The following DLGAP2 variants were observed in gnomAD, a reference collection of about 807,000 sequenced individuals.
The protein encoded by DLGAP2 is DLG associated protein 2, also known as disks large-associated protein 2.
Under a neutral mutation model 100.3 loss-of-function variants are expected in DLGAP2, and 26 were observed. The ratio of observed to expected loss-of-function variants is 0.26; its 90% CI spans 0.19 to 0.36. The LOEUF (loss-of-function observed/expected upper bound fraction) is 0.36, where lower values mean the gene tolerates loss of function less well. DLGAP2 is among the 10% of genes least tolerant of loss of function. The pLI, the probability that DLGAP2 is intolerant of heterozygous loss-of-function variation, is 1.00. For missense variants in DLGAP2, 1,858 were observed against 1,453.2 expected (o/e 1.28, Z -4.53); for synonymous variants, 886 against 630.1 (o/e 1.41, Z -6.08).
chr8:1,032,362 C>T lies in DLGAP2; in HGVS notation c.73+124396C>T, dbSNP rs1240147536. On this transcript the variant is annotated intron_variant, in intron 2 of 14. Coordinates refer to ENST00000637795, the MANE Select transcript of DLGAP2 (RefSeq NM_001346810.2). ...TGCCGTCTGCCTGCCTGTCACTCGG[C>T]AGGACCTGGCTCCCAGCGATTTCTC... Among the ~76,000 whole-genome samples, 24 of 152,172 alleles carry T rather than the reference C, an allele frequency of 1.6e-4. 1 individual carries two copies. Among genetic ancestry groups the T allele is most frequent in the Admixed American group, 1.6e-3 (24 of 15,284 alleles).
intron 3 of DLGAP2, among the ~76,000 whole-genome samples, chr8:1,425,859 G>T (rs1797223769): frequency 6.6e-6 from 1 of 152,198 alleles, no homozygotes; most frequent in Non-Finnish European, 1.5e-5. Context: ...AGTGCCTGAG[G>T]CAGGGAATGC....
intron 1 of DLGAP2, among the ~76,000 whole-genome samples, chr8:834,990 G>A (rs1796845977): frequency 2.0e-5 from 3 of 152,246 alleles, no homozygotes; most frequent in Admixed American, 1.3e-4. Flanking sequence ...GTATGTTAGT[G>A]TGCACATGTC....
intron 3 of DLGAP2, among the ~76,000 whole-genome samples, chr8:1,468,972 C>T (rs776188578): frequency 4.6e-5 from 7 of 152,184 alleles, no homozygotes; most frequent in East Asian, 1.9e-4. Flanking sequence ...TCCCTCTGTA[C>T]GACCTCATCT....
At chr8:761,453 A>G (rs1251055960) in intron 1 of DLGAP2, among the ~76,000 whole-genome samples, 5 of 152,338 alleles carry the variant, frequency 3.3e-5, no homozygotes, top group Admixed American at 2.0e-4. Context: ...TCACGTAATA[A>G]TGGCCGGGCC....
In DLGAP2 at chr8:1,697,289, C is replaced by G; in HGVS notation, c.2939C>G (p.Pro980Arg). 1 of 1,604,486 alleles carries G rather than the reference C, an allele frequency of 6.2e-7. No individual in the cohort carries two copies. The highest frequency in any genetic ancestry group is 1.1e-5 in the South Asian group (1 of 90,088). Reference protein sequence around the residue: ...RLNDWKMMESPERKEERKVPP... With the variant: ...RLNDWKMMESRERKEERKVPP... ...AACGACTGGAAGATGATGGAGTCCCCGGAAAGAAAGGTAAGGGCATCCATG... is the reference window on the plus strand; with the variant it reads ...AACGACTGGAAGATGATGGAGTCCCGGGAAAGAAAGGTAAGGGCATCCATG... Residue 980 changes from proline (P) to arginine (R), a missense_variant, in exon 14 of 15, where the codon CCG becomes CGG. Coordinates refer to ENST00000637795, the MANE Select transcript of DLGAP2 (RefSeq NM_001346810.2).
chr8:1,439,540 C>A (rs1231984785), intron 3 of DLGAP2, among the ~76,000 whole-genome samples: 1 of 152,182 alleles, frequency 6.6e-6, no homozygotes, highest in Non-Finnish European at 1.5e-5. Context: ...GAGCTGAGAT[C>A]CTAACGTGGG....
At chr8:1,367,379 T>A (rs886999085) in intron 3 of DLGAP2, among the ~76,000 whole-genome samples, 2 of 152,216 alleles carry the variant, frequency 1.3e-5, no homozygotes, top group Admixed American at 6.5e-5. Context: ...CTTGTTCCTG[T>A]CTCTCTGGGA....
At chr8:1,010,386 C>G (rs757055617) in intron 2 of DLGAP2, among the ~76,000 whole-genome samples, 1 of 152,126 alleles carries the variant, frequency 6.6e-6, no homozygotes, top group African/African-American at 2.4e-5. Flanking sequence ...TGTGCACAGT[C>G]AGATATCACA....
At chr8:1,546,435 G>C (rs1033166219) in intron 4 of DLGAP2, among the ~76,000 whole-genome samples, 1 of 152,196 alleles carries the variant, frequency 6.6e-6, no homozygotes, top group Non-Finnish European at 1.5e-5. Flanking sequence ...ACTTCCCAGG[G>C]ACTCATGAAA....
rs191420108 is a variant in DLGAP2, at chr8:1,464,082, G to T, written c.107-37284G>T. On this transcript the variant is annotated intron_variant, in intron 3 of 14. Transcript: ENST00000637795. ...GTCGCAACAGCCGCCTTCCTGAAGA[G>T]CTTCCTTCCAGCTGAGCTCCCAGGC... Among the ~76,000 whole-genome samples, 180 of 135,976 alleles carry T rather than the reference G, an allele frequency of 1.3e-3. 1 individual carries two copies. The highest frequency in any genetic ancestry group is 2.0e-3 in the Non-Finnish European group (123 of 62,914). 89.2% of individuals were successfully genotyped at this position (135,976 alleles called of 152,430 possible). A position where few individuals can be genotyped will look rare whatever the true frequency, so the allele number is the denominator to read the frequency against.
At chr8:1,188,034 T>C (rs1255255600) in intron 2 of DLGAP2, among the ~76,000 whole-genome samples, 1,790 of 51,672 alleles carry the variant, frequency 0.035, no homozygotes, top group Middle Eastern at 0.042. Context: ...ACTTCCGTGA[T>C]GTTTCCCTCA....
intron 1 of DLGAP2, among the ~76,000 whole-genome samples, chr8:749,029 C>A (rs1820722961): frequency 6.6e-6 from 1 of 152,146 alleles, no homozygotes; most frequent in Admixed American, 6.5e-5. Flanking sequence ...GAGAGGGGGC[C>A]TTGCTTGTTA....
At chr8:1,221,439 G>T (rs1162464575) in intron 2 of DLGAP2, among the ~76,000 whole-genome samples, 3 of 152,124 alleles carry the variant, frequency 2.0e-5, no homozygotes, top group African/African-American at 7.2e-5. Flanking sequence ...AATCTCTTCT[G>T]GCTTGTAAGA....
intron 2 of DLGAP2, among the ~76,000 whole-genome samples, chr8:1,188,391 GGA>G (rs1797560580): frequency 8.3e-6 from 1 of 120,570 alleles, no homozygotes; most frequent in African/African-American, 4.3e-5. Flanking sequence ...CACACACCCG[GGA>G]CCTCCATGAC....
At chr8:975,606 A>G (rs531936108) in intron 2 of DLGAP2, among the ~76,000 whole-genome samples, 3 of 152,352 alleles carry the variant, frequency 2.0e-5, no homozygotes, top group South Asian at 4.1e-4. Flanking sequence ...GAAAATTGTA[A>G]TCATTCACAG....
intron 3 of DLGAP2, among the ~76,000 whole-genome samples, chr8:1,494,603 C>A (rs1357309979): frequency 6.6e-6 from 1 of 152,140 alleles, no homozygotes; most frequent in Non-Finnish European, 1.5e-5. Context: ...GTGTCAGGCG[C>A]CTGTAGTCTC....
At chr8:1,680,300 G>C (rs761796806) in intron 12 of DLGAP2, among the ~76,000 whole-genome samples, 3 of 152,200 alleles carry the variant, frequency 2.0e-5, no homozygotes, top group Non-Finnish European at 4.4e-5. Context: ...TTTCTAGATG[G>C]CTGTTTTAAT....
intron 2 of DLGAP2, among the ~76,000 whole-genome samples, chr8:1,010,583 C>T (rs1030025363): frequency 2.6e-5 from 4 of 152,224 alleles, no homozygotes; most frequent in African/African-American, 9.6e-5. Context: ...ATCTGCAAGT[C>T]CAGTTTCACT....
At chr8:1,467,299 T>A (rs888105430) in intron 3 of DLGAP2, among the ~76,000 whole-genome samples, 3 of 151,188 alleles carry the variant, frequency 2.0e-5, no homozygotes, top group Non-Finnish European at 2.9e-5. Flanking sequence ...CCAGCCCTCC[T>A]TATGGTCCTC....
Sources: gnomAD v4.1 joint callset for allele counts (sites outside exome capture counted in the v4.1 genomes callset) on GRCh38, gnomAD v4.1.1 for gene constraint, MANE v1.5 for transcripts, NCBI Gene and HGNC (gene_info 2026-07-23, HGNC 2026-07-21) for gene names.